PRPF38B: variants seen among roughly 807,000 people sequenced by gnomAD.
The protein encoded by PRPF38B is pre-mRNA processing factor 38B.
Under a neutral mutation model 67.2 loss-of-function variants are expected in PRPF38B, and 18 were observed. That is an observed-to-expected ratio of 0.27 (90% CI 0.19 to 0.40). The LOEUF (loss-of-function observed/expected upper bound fraction) is 0.40. Among genes scored for constraint, PRPF38B ranks in the 10% least tolerant of loss-of-function variants. The pLI is 1.00. For missense variants in PRPF38B, 544 were observed against 684.9 expected (o/e 0.79, Z 2.30); for synonymous variants, 246 against 234.2 (o/e 1.05, Z -0.46).
chr1:108,693,126 G>T (rs1209103533), intron 1 of PRPF38B, among the ~76,000 whole-genome samples: 1 of 152,226 alleles, frequency 6.6e-6, no homozygotes, highest in Non-Finnish European at 1.5e-5. Context: ...CACCCCTGGG[G>T]GGAGTTGGGC....
chr1:108,696,660 A>G (rs940091722), intron 4 of PRPF38B: 4 of 705,880 alleles, frequency 5.7e-6, no homozygotes, highest in African/African-American at 1.8e-5. Context: ...AAGATGGGGC[A>G]TGCTCAAGAT....
chr1:108,695,660 C>T, intron 1 of PRPF38B, 42 bp from the exon 2 acceptor site: 1 of 1,591,958 alleles, frequency 6.3e-7, no homozygotes, highest in Non-Finnish European at 8.6e-7. Flanking sequence ...TAAACAAATT[C>T]AAAGTATGAA....
At chr1:108,694,214 G>C (rs555427518) in intron 1 of PRPF38B, among the ~76,000 whole-genome samples, 1 of 152,270 alleles carries the variant, frequency 6.6e-6, no homozygotes, top group East Asian at 1.9e-4. Flanking sequence ...GACCTTTTTA[G>C]CATGGATACA....
chr1:108,695,808 TCTAATAA>T (rs1557764067), intron 2 of PRPF38B, 38 bp downstream of exon 2: 3 of 1,595,738 alleles, frequency 1.9e-6, no homozygotes, highest in Non-Finnish European at 2.6e-6. Context: ...TTTTTCTGTG[TCTAATAA>T]CTAAGTTTAT....
intron 4 of PRPF38B, 50 bp from the exon 5 acceptor site, chr1:108,698,553 TA>T (rs1376528458): frequency 1.6e-6 from 2 of 1,249,628 alleles, no homozygotes; most frequent in Admixed American, 3.9e-5. Context: ...TATTCATGTA[TA>T]TATGGAAATA....
Position 108,699,697 on chromosome 1 carries a change from CGAAGTAGAAATGCAGGGAAACGAAGTA to C in PRPF38B, c.1328_1354del (p.Asn443_Arg451del). 1 of 1,604,908 alleles carries C rather than the reference CGAAGTAGAAATGCAGGGAAACGAAGTA, an allele frequency of 6.2e-7. No homozygotes were observed. The highest frequency in any genetic ancestry group is 8.5e-7 in the Non-Finnish European group (1 of 1,175,418). On this transcript the variant is annotated inframe_deletion, in exon 6 of 6. Transcript: ENST00000370025. Reference sequence around the variant, plus strand: ...AGAAAGGAAACACAGAAGTAGGAGTCGAAGTAGAAATGCAGGGAAACGAAGTAGAAGTAGAAGCAAAGAGAAATCAAG... The same window carrying C: ...AGAAAGGAAACACAGAAGTAGGAGTCGAAGTAGAAGCAAAGAGAAATCAAG...
intron 1 of PRPF38B, among the ~76,000 whole-genome samples, chr1:108,694,768 A>C (rs1237579082): frequency 6.6e-6 from 1 of 152,168 alleles, no homozygotes; most frequent in African/African-American, 2.4e-5. Context: ...TGTTTTTAAA[A>C]AAAAACAAAG....
intron 4 of PRPF38B, chr1:108,696,929 T>C: frequency 3.6e-6 from 2 of 557,140 alleles, no homozygotes; most frequent in Non-Finnish European, 6.3e-6. Context: ...TTTTAAATTG[T>C]AATTCGAGTC....
Position 108,699,179 on chromosome 1 carries a change from T to C in PRPF38B, c.800T>C (p.Leu267Pro). ...RRRSRSPRRS[L>P]SPRRSPRRSR... is the part of the protein sequence containing the mutation. ...TTCCTTAGGTCTCCAAGGAGATCTC[T>C]GAGTCCACGGAGGTCCCCAAGAAGG... is the stretch of plus-strand genomic sequence containing the variant. The change falls in exon 6 of 6, where the codon CTG (leucine) becomes CCG (proline). Residue 267 changes from leucine (L) to proline (P), a missense_variant. Physicochemically the swap from Leu to Pro is moderately conservative, Grantham distance 98. Around this residue, in one of 5 missense-constraint regions of PRPF38B, gnomAD observed 387 missense variants for 386.1 expected, o/e 1.00. Transcript: ENST00000370025. 1 of 1,609,112 alleles carries C rather than the reference T, an allele frequency of 6.2e-7. No individual in the cohort carries two copies. Among genetic ancestry groups the C allele is most frequent in the South Asian group, 1.1e-5 (1 of 90,592 alleles).
Position 108,700,018 on chromosome 1 carries a change from T to A in PRPF38B, c.1639T>A (p.Ter547ArgextTer14). Residue 547 changes from the stop codon to arginine (R), a stop_lost, in exon 6 of 6, where the codon TGA becomes AGA. Transcript: ENST00000370025. ...GCATAAAAACAAAGATGAGACTGTGTGAAAATATTTTGTAAAAGTGGATCA... is the reference window on the plus strand; with the variant it reads ...GCATAAAAACAAAGATGAGACTGTGAGAAAATATTTTGTAAAAGTGGATCA... ...KQHKNKDETV[*>R] 6.4e-7 allele frequency: 1 copy of A among 1,574,518 alleles called. No individual in the cohort carries two copies. The highest frequency in any genetic ancestry group is 8.6e-7 in the Non-Finnish European group (1 of 1,166,414).
chr1:108,696,265 T>C lies in PRPF38B; in HGVS notation c.498-12T>C. The C allele has an allele frequency of 6.2e-7, 1 of 1,612,136 alleles. No homozygotes were observed. The highest frequency in any genetic ancestry group is 1.1e-5 in the South Asian group (1 of 90,810). On this transcript the variant is annotated splice_polypyrimidine_tract_variant and intron_variant, in intron 3 of 5. Coordinates refer to ENST00000370025, the MANE Select transcript of PRPF38B (RefSeq NM_018061.4). ...TTCACATGTGTTTAATAATAGTCTTTTGTAATTCTAGATATACACAGCCCC... is the reference window on the plus strand; with the variant it reads ...TTCACATGTGTTTAATAATAGTCTTCTGTAATTCTAGATATACACAGCCCC...
At chr1:108,696,767 A>G (rs1260401216) in intron 4 of PRPF38B, 4 of 716,750 alleles carry the variant, frequency 5.6e-6, no homozygotes, top group Admixed American at 2.0e-5. Flanking sequence ...TCTTCCAAAT[A>G]TCAGTATTCC....
chr1:108,692,999 G>A (rs952609970), intron 1 of PRPF38B, 132 bp downstream of exon 1: 9 of 1,170,228 alleles, frequency 7.7e-6, no homozygotes, highest in Non-Finnish European at 1.1e-5. Context: ...GGGTGGCTGC[G>A]GCCTGTAGTG....
rs945812847 is a variant in PRPF38B, at chr1:108,698,735, T to C, written c.690T>C (p.Asp230=). 2 of 1,613,826 alleles carry C rather than the reference T, an allele frequency of 1.2e-6. No homozygotes were observed. The highest frequency in any genetic ancestry group is 1.7e-6 in the Non-Finnish European group (2 of 1,179,908). Residue 230 remains aspartate, a synonymous_variant, in exon 5 of 6, where the codon GAT becomes GAC. Coordinates refer to ENST00000370025, the MANE Select transcript of PRPF38B (RefSeq NM_018061.4). ...RIPVPVQKNI[D]QQIKTRPRKI... ...CAGTTCCAGTTCAAAAGAATATTGA[T>C]CAACAGATTAAAACCCGACCTAGAA... is the stretch of plus-strand genomic sequence containing the variant.
At position 108,701,989 on chromosome 1, in the gene PRPF38B, GT is replaced by G. The variant is rs1660544575; in HGVS notation, c.*1971del. Among the ~76,000 whole-genome samples, 1 of 152,180 alleles carries G rather than the reference GT, an allele frequency of 6.6e-6. No homozygotes were observed. Among genetic ancestry groups the G allele is most frequent in the Non-Finnish European group, 1.5e-5 (1 of 68,040 alleles). On this transcript the variant is annotated 3_prime_UTR_variant, in exon 6 of 6. Coordinates refer to ENST00000370025, the MANE Select transcript of PRPF38B (RefSeq NM_018061.4). ...TTATGGAGCTACTACTTTGGATATG[GT>G]TCCATGTGAAATGTTTTATCTGACT...
chr1:108,692,639 C>T lies in PRPF38B; in HGVS notation c.48C>T (p.His16=). 1.2e-6 allele frequency: 2 copies of T among 1,610,394 alleles called. No individual in the cohort carries two copies. The highest frequency in any genetic ancestry group is 1.3e-5 in the African/African-American group (1 of 74,890). The change falls in exon 1 of 6, where the codon CAC becomes CAT. Residue 16 remains histidine (H), a synonymous_variant. Coordinates refer to ENST00000370025, the MANE Select transcript of PRPF38B (RefSeq NM_018061.4). Reference sequence around the variant, plus strand: ...TGACAGGCAACTCGCAGCCGCAGCACCAGGCGGCTGCAGCTGCGGCTCAGC... The same window carrying T: ...TGACAGGCAACTCGCAGCCGCAGCATCAGGCGGCTGCAGCTGCGGCTCAGC... ...PALTGNSQPQ[H]QAAAAAAQQQ... is the part of the protein sequence containing the mutation.
rs139430544 is a variant in PRPF38B, at chr1:108,701,276, G to A, written c.*1256G>A. 1 of 152,710 alleles carries A rather than the reference G, an allele frequency of 6.5e-6. No homozygotes were observed. The highest frequency in any genetic ancestry group is 1.9e-4 in the East Asian group (1 of 5,188). 9.5% of individuals were successfully genotyped at this position (152,710 alleles called of 1,614,324 possible). On this transcript the variant is annotated 3_prime_UTR_variant, in exon 6 of 6. Transcript: ENST00000370025. ...TGAAACGTCAGTAGAGTCACACTTTGTGTACAGGGATGTCTTAGTGCCCAG... is the reference window on the plus strand; with the variant it reads ...TGAAACGTCAGTAGAGTCACACTTTATGTACAGGGATGTCTTAGTGCCCAG...
In PRPF38B at chr1:108,692,521, G is replaced by C. The variant is rs1009632510; in HGVS notation, c.-71G>C. The C allele has an allele frequency of 6.8e-7, 1 of 1,464,472 alleles. No homozygotes were observed. Among genetic ancestry groups the C allele is most frequent in the East Asian group, 2.5e-5 (1 of 40,464 alleles). 90.7% of individuals were successfully genotyped at this position (1,464,472 alleles called of 1,614,324 possible). A position where few individuals can be genotyped will look rare whatever the true frequency, so the allele number is the denominator to read the frequency against. The stretch of plus-strand genomic sequence containing the variant: ...CGATGGAGTAGGGTCCCAGACCGTT[G>C]TCCCGAAGAGCGAGATCGAGCTTGG... On this transcript the variant is annotated 5_prime_UTR_variant, in exon 1 of 6. Transcript: ENST00000370025.
In PRPF38B at chr1:108,692,710, C is replaced by T. The variant is rs753975219; in HGVS notation, c.119C>T (p.Ser40Phe). 8.1e-6 allele frequency: 13 copies of T among 1,613,502 alleles called. No individual in the cohort carries two copies. Among genetic ancestry groups the T allele is most frequent in the Non-Finnish European group, 6.8e-6 (8 of 1,180,044 alleles). The change falls in exon 1 of 6, where the codon TCC becomes TTC. Residue 40 changes from serine to phenylalanine, a missense_variant. Around this residue, in one of 5 missense-constraint regions of PRPF38B, gnomAD observed 70 missense variants for 58.4 expected, o/e 1.20. Transcript: ENST00000370025. ...GGGGATKPAV[S>F]GKQGNVLPLW... ...GGCGGCGCTACCAAGCCGGCGGTCT[C>T]CGGCAAGCAGGGCAATGTGCTCCCG...
Sources: allele counts gnomAD v4.1 joint callset (sites outside exome capture counted in the v4.1 genomes callset), GRCh38; gene constraint gnomAD v4.1.1; regional missense constraint gnomAD v4.1.1; transcripts MANE v1.5; gene names NCBI Gene and HGNC (gene_info 2026-07-23, HGNC 2026-07-21).